Variants in INPP4B observed in about 807,000 individuals in gnomAD.
INPP4B encodes the protein inositol polyphosphate 4-phosphatase type II.
In INPP4B, 55 loss-of-function variants were observed where a neutral mutation model predicts 122.5. That is an observed-to-expected ratio of 0.45 (90% CI 0.36 to 0.56). The LOEUF is 0.56. INPP4B is among the 20% of genes least tolerant of loss of function. The pLI, the probability that INPP4B is intolerant of heterozygous loss-of-function variation, is 0.00. For missense variants in INPP4B, 1,000 were observed against 1,097.7 expected (o/e 0.91, Z 1.26); for synonymous variants, 403 against 388.7 (o/e 1.04, Z -0.43).
At chr4:142,692,255 AAAAC>A (rs1209184743) in intron 2 of INPP4B, among the ~76,000 whole-genome samples, 1 of 152,212 alleles carries the variant, frequency 6.6e-6, no homozygotes, top group Admixed American at 6.5e-5. Flanking sequence ...ATAGATTACT[AAAAC>A]AAACAAAAAA....
At chr4:142,173,587 T>C (rs1160510693) in intron 16 of INPP4B, 45 bp downstream of exon 16, 5 of 1,519,094 alleles carry the variant, frequency 3.3e-6, no homozygotes, top group Non-Finnish European at 4.5e-6. Context: ...CAATGGGAAT[T>C]TGAGTATTTC....
chr4:142,088,688 T>C (rs1778006518), intron 23 of INPP4B, among the ~76,000 whole-genome samples: 1 of 152,182 alleles, frequency 6.6e-6, no homozygotes, highest in Non-Finnish European at 1.5e-5. Context: ...TGCTTTTAAA[T>C]AATAAGATGA....
intron 12 of INPP4B, among the ~76,000 whole-genome samples, chr4:142,230,643 CAAA>C (rs11309327): frequency 3.1e-4 from 25 of 79,574 alleles, no homozygotes; most frequent in Admixed American, 1.1e-3. Context: ...AACTCCACCT[CAAA>C]AAAAAAAAAA....
chr4:142,210,210 C>A (rs1294026821), intron 12 of INPP4B, among the ~76,000 whole-genome samples: 1 of 152,208 alleles, frequency 6.6e-6, no homozygotes, highest in Non-Finnish European at 1.5e-5. Context: ...GCTGTAGAAT[C>A]TTTAACATTC....
At chr4:142,812,899 G>T (rs1432885025) in intron 1 of INPP4B, among the ~76,000 whole-genome samples, 2 of 152,068 alleles carry the variant, frequency 1.3e-5, no homozygotes, top group African/African-American at 4.8e-5. Context: ...GTCACATATG[G>T]GGGATTTTCA....
chr4:142,112,910 CA>C (rs1455050639), intron 21 of INPP4B, among the ~76,000 whole-genome samples: 1 of 152,012 alleles, frequency 6.6e-6, no homozygotes, highest in African/African-American at 2.4e-5. Context: ...TGAATTCCTT[CA>C]GGAAAAAAAT....
intron 2 of INPP4B, among the ~76,000 whole-genome samples, chr4:142,606,804 A>G (rs547744413): frequency 6.6e-6 from 1 of 152,146 alleles, no homozygotes; most frequent in Non-Finnish European, 1.5e-5. Flanking sequence ...ATCACTGCAA[A>G]TGACAATTTC....
intron 12 of INPP4B, among the ~76,000 whole-genome samples, chr4:142,217,536 C>T (rs866399835): frequency 1.3e-5 from 2 of 152,186 alleles, no homozygotes; most frequent in African/African-American, 2.4e-5. Context: ...CGGTCTTCTA[C>T]CCTTGCATGA....
rs1580245603 is a variant in INPP4B, at chr4:142,510,170, T to G, written c.-190-47444A>C. 2.0e-5 allele frequency among the ~76,000 whole-genome samples: 3 copies of G among 152,210 alleles called. No individual in the cohort carries two copies. The East Asian group carries it at 5.8e-4, about 29-fold the overall frequency. ...AGATGTTTAATTTTTCTATATAGAA[T>G]AATTAACTGCCACTTTGCCATTATC... On this transcript the variant is annotated intron_variant, in intron 2 of 25. Coordinates refer to ENST00000262992, the MANE Select transcript of INPP4B (RefSeq NM_001101669.3).
In INPP4B at chr4:142,214,194, C is replaced by T. The variant is rs148300893; in HGVS notation, c.837-5168G>A. Among the ~76,000 whole-genome samples, 43 of 152,282 alleles carry T rather than the reference C, an allele frequency of 2.8e-4. 1 individual carries two copies. In the East Asian group the frequency reaches 8.3e-3, roughly 29 times the overall value. ...TCTCTACTAAAGCCCAGTATTACAA[C>T]AGGAGCTATTTTTCAAATGAGAAGT... On this transcript the variant is annotated intron_variant, in intron 12 of 25. Coordinates refer to ENST00000262992, the MANE Select transcript of INPP4B (RefSeq NM_001101669.3).
intron 3 of INPP4B, among the ~76,000 whole-genome samples, chr4:142,432,801 A>G (rs946143235): frequency 1.3e-5 from 2 of 152,142 alleles, no homozygotes; most frequent in Non-Finnish European, 2.9e-5. Context: ...AATCCTGATC[A>G]GTCATCTTCA....
At chr4:142,683,820 A>T (rs2165820) in intron 2 of INPP4B, among the ~76,000 whole-genome samples, 91,037 of 151,654 alleles carry the variant, frequency 0.6, 28,348 homozygotes, top group East Asian at 0.79. Context: ...AAGGTGATTT[A>T]AAAAAAGGAA....
chr4:142,700,207 A>T (rs961195263), intron 2 of INPP4B, among the ~76,000 whole-genome samples: 3 of 152,140 alleles, frequency 2.0e-5, no homozygotes, highest in African/African-American at 7.2e-5. Context: ...TAAAACCGCA[A>T]CAGGGAGAAA....
At chr4:142,158,317 C>A (rs1329446202) in intron 17 of INPP4B, among the ~76,000 whole-genome samples, 5 of 152,092 alleles carry the variant, frequency 3.3e-5, no homozygotes, top group African/African-American at 1.2e-4. Context: ...CCATGTACAT[C>A]TCTAAGGCTG....
chr4:142,252,513 T>C (rs1284707922), intron 11 of INPP4B, among the ~76,000 whole-genome samples: 6 of 152,168 alleles, frequency 3.9e-5, no homozygotes, highest in African/African-American at 1.4e-4. Flanking sequence ...CTAACAGTCA[T>C]TTAATTTACA....
chr4:142,075,371 T>C (rs1178098371), intron 25 of INPP4B, among the ~76,000 whole-genome samples: 1 of 151,476 alleles, frequency 6.6e-6, no homozygotes, highest in East Asian at 1.9e-4. Flanking sequence ...AACTGAGTGC[T>C]GAGTGCTGCT....
At chr4:142,639,690 C>A (rs1289827453) in intron 2 of INPP4B, among the ~76,000 whole-genome samples, 1 of 151,984 alleles carries the variant, frequency 6.6e-6, no homozygotes, top group Non-Finnish European at 1.5e-5. Flanking sequence ...AATTTTCTGC[C>A]ACGACCCTAA....
chr4:142,330,531 A>T (rs946159672), intron 7 of INPP4B, among the ~76,000 whole-genome samples: 1 of 152,160 alleles, frequency 6.6e-6, no homozygotes, highest in African/African-American at 2.4e-5. Context: ...GCATATGTGC[A>T]CACACGCACA....
At chr4:142,393,791 T>G (rs1486194159) in intron 7 of INPP4B, among the ~76,000 whole-genome samples, 1 of 152,226 alleles carries the variant, frequency 6.6e-6, no homozygotes, top group East Asian at 1.9e-4. Flanking sequence ...AAGGCCGATC[T>G]GTAACCAATC....
Sources: allele counts gnomAD v4.1 joint callset (sites outside exome capture counted in the v4.1 genomes callset), GRCh38; gene constraint gnomAD v4.1.1; transcripts MANE v1.5; gene names NCBI Gene and HGNC (gene_info 2026-07-23, HGNC 2026-07-21).